Variants in TYW1 observed in about 807,000 individuals in gnomAD.
TYW1 encodes S-adenosyl-L-methionine-dependent tRNA 4-demethylwyosine synthase TYW1.
In TYW1, 46 loss-of-function variants were observed where a neutral mutation model predicts 96.2. The observed-to-expected ratio is 0.48, with a 90% CI of 0.38 to 0.61. TYW1 has a LOEUF of 0.61. TYW1 is among the 20% of genes least tolerant of loss of function. TYW1 has a pLI of 0.00. For missense variants in TYW1, 684 were observed against 909.6 expected (o/e 0.75, Z 3.19); for synonymous variants, 274 against 323.0 (o/e 0.85, Z 1.63).
intron 11 of TYW1, among the ~76,000 whole-genome samples, chr7:67,086,892 A>G (rs576291140): frequency 2.0e-5 from 3 of 152,136 alleles, no homozygotes; most frequent in Admixed American, 6.5e-5. Context: ...AAATGCCAGT[A>G]CTTTTATTTT....
intron 13 of TYW1, among the ~76,000 whole-genome samples, chr7:67,120,034 A>G (rs1370899447): frequency 1.3e-5 from 2 of 152,174 alleles, no homozygotes; most frequent in South Asian, 2.1e-4. Context: ...TGTTGGGATT[A>G]TAGGCATGAG....
Position 67,208,401 on chromosome 7 carries a change from A to C in TYW1, c.1977+13064A>C, listed in dbSNP as rs1447879727. ...ATGTAAAGTGATTCTTTTAAAAAAA[A>C]CCCACAACCATCGGGCGCGGTGGCT... On this transcript the variant is annotated intron_variant, in intron 15 of 15. Coordinates refer to ENST00000359626, the MANE Select transcript of TYW1 (RefSeq NM_018264.4). Among the ~76,000 whole-genome samples the C allele has an allele frequency of 8.0e-4, 121 of 152,030 alleles. 1 individual carries two copies. The highest frequency in any genetic ancestry group is 2.9e-5 in the Non-Finnish European group (2 of 67,978).
At chr7:67,220,984 C>T (rs184731710) in intron 15 of TYW1, among the ~76,000 whole-genome samples, 6 of 152,252 alleles carry the variant, frequency 3.9e-5, no homozygotes, top group Admixed American at 1.3e-4. Flanking sequence ...GCCTTGGCCT[C>T]CCAAAGTGCT....
chr7:67,159,554 T>C (rs1799091592), intron 13 of TYW1, among the ~76,000 whole-genome samples: 1 of 152,058 alleles, frequency 6.6e-6, no homozygotes, highest in African/African-American at 2.4e-5. Flanking sequence ...CAGCTGACTT[T>C]CTGTAAGTTC....
chr7:67,190,421 C>A (rs1800171329), intron 14 of TYW1, among the ~76,000 whole-genome samples: 1 of 152,232 alleles, frequency 6.6e-6, no homozygotes, highest in Admixed American at 6.5e-5. Context: ...ACAGCCCCTG[C>A]CCTCAAAGGG....
chr7:67,071,065 A>G (rs1796012050), intron 10 of TYW1, among the ~76,000 whole-genome samples: 1 of 151,646 alleles, frequency 6.6e-6, no homozygotes, highest in South Asian at 2.1e-4. Context: ...CGGGAGGTGG[A>G]GCTTGCAGTG....
rs535430808 is a variant in TYW1, at chr7:67,140,421, TAATAAAGTG to T, written c.1698+22812_1698+22820del. Among the ~76,000 whole-genome samples, 101 of 152,248 alleles carry T rather than the reference TAATAAAGTG, an allele frequency of 6.6e-4. 1 individual carries two copies. The highest frequency in any genetic ancestry group is 2.3e-3 in the African/African-American group (97 of 41,568). On this transcript the variant is annotated intron_variant, in intron 13 of 15. Coordinates refer to ENST00000359626, the MANE Select transcript of TYW1 (RefSeq NM_018264.4). Reference sequence around the variant, plus strand: ...ATACAATTTTAAAAGAAATTAAAGTTAATAAAGTGAATAAAGTTGGTACACTTTTAAAAA... The same window carrying T: ...ATACAATTTTAAAAGAAATTAAAGTTAATAAAGTTGGTACACTTTTAAAAA...
chr7:67,063,498 C>T (rs1217701813), intron 9 of TYW1, among the ~76,000 whole-genome samples: 3 of 151,420 alleles, frequency 2.0e-5, no homozygotes, highest in Admixed American at 1.3e-4. Context: ...TTGCAGGTGA[C>T]GTGATTGTTA....
At chr7:67,178,581 C>T (rs1245626661) in intron 13 of TYW1, among the ~76,000 whole-genome samples, 1 of 152,142 alleles carries the variant, frequency 6.6e-6, no homozygotes, top group African/African-American at 2.4e-5. Flanking sequence ...GTTGTATATT[C>T]ATGCAACCCA....
chr7:67,103,181 G>T (rs1797141699), intron 12 of TYW1, among the ~76,000 whole-genome samples: 1 of 152,230 alleles, frequency 6.6e-6, no homozygotes, highest in Admixed American at 6.5e-5. Context: ...TCTGAGATCT[G>T]CAGATTACTG....
At chr7:67,137,835 G>A (rs1798314698) in intron 13 of TYW1, among the ~76,000 whole-genome samples, 1 of 152,168 alleles carries the variant, frequency 6.6e-6, no homozygotes, top group Admixed American at 6.5e-5. Flanking sequence ...TCATCTCTGT[G>A]GTGCTTAGTA....
chr7:66,998,368 A>G (rs1393251666), intron 2 of TYW1, among the ~76,000 whole-genome samples, 173 bp downstream of exon 2: 1 of 152,206 alleles, frequency 6.6e-6, no homozygotes, highest in African/African-American at 2.4e-5. Flanking sequence ...ATCTTGGATT[A>G]AGTTCTTTAC....
intron 13 of TYW1, among the ~76,000 whole-genome samples, chr7:67,167,241 G>A (rs756134294): frequency 1.3e-5 from 2 of 152,024 alleles, no homozygotes; most frequent in Non-Finnish European, 1.5e-5. Context: ...AGGCCGAGGC[G>A]GTTGGATCAT....
chr7:67,186,656 TAA>T (rs1800034741), intron 14 of TYW1, among the ~76,000 whole-genome samples: 1 of 152,046 alleles, frequency 6.6e-6, no homozygotes, highest in African/African-American at 2.4e-5. Context: ...CTGGCTAATT[TAA>T]AACATTTTTG....
rs1457267656 is a variant in TYW1 at position 67,103,805 on chromosome 7, A to G, written c.1562+5087A>G. ...TTTTATACAGCAAGTCAGCTCATAC[A>G]GCAAGTCAACAAGTTCAGCTATTTG... On this transcript the variant is annotated intron_variant, in intron 12 of 15. Transcript: ENST00000359626. Among the ~76,000 whole-genome samples, 6 of 152,342 alleles carry G rather than the reference A, an allele frequency of 3.9e-5. No homozygotes were observed. The East Asian group carries it at 9.6e-4, about 24-fold the overall frequency.
At chr7:67,105,823 G>C (rs774489240) in intron 12 of TYW1, among the ~76,000 whole-genome samples, 1 of 150,902 alleles carries the variant, frequency 6.6e-6, no homozygotes, top group South Asian at 2.1e-4. Context: ...GAATATTCTT[G>C]TGTGTTTCAT....
At chr7:67,138,871 C>G (rs1374345808) in intron 13 of TYW1, among the ~76,000 whole-genome samples, 7 of 151,564 alleles carry the variant, frequency 4.6e-5, no homozygotes, top group Non-Finnish European at 1.0e-4. Flanking sequence ...TTTATCCATT[C>G]ATCTGCCATT....
chr7:67,235,176 CT>C (rs1212004686), intron 15 of TYW1, among the ~76,000 whole-genome samples: 1 of 152,184 alleles, frequency 6.6e-6, no homozygotes, highest in African/African-American at 2.4e-5. Context: ...GCAAGCAACA[CT>C]GGGATCCCCA....
chr7:67,174,362 A>C (rs1799599807), intron 13 of TYW1, among the ~76,000 whole-genome samples: 1 of 151,678 alleles, frequency 6.6e-6, no homozygotes, highest in East Asian at 1.9e-4. Context: ...AAAGAGCAAC[A>C]ATAGGCCAGT....
Sources: allele counts gnomAD v4.1 joint callset (sites outside exome capture counted in the v4.1 genomes callset), GRCh38; gene constraint gnomAD v4.1.1; transcripts MANE v1.5; gene names NCBI Gene and HGNC (gene_info 2026-07-23, HGNC 2026-07-21).